PHF21A: variants seen among roughly 807,000 people sequenced by gnomAD.
The protein encoded by PHF21A is BHC80a.
PHF21A carries 11 observed loss-of-function variants against 82.5 expected under a neutral mutation model. The ratio of observed to expected loss-of-function variants is 0.13; its 90% confidence interval spans 0.08 to 0.22. PHF21A has a LOEUF of 0.22. PHF21A is among the 10% of genes least tolerant of loss of function. The probability of loss-of-function intolerance (pLI) is 1.00; values close to 1 mark genes in which losing one functional copy is unlikely to be tolerated. For synonymous variants in PHF21A, 297 were observed against 302.8 expected (o/e 0.98, Z 0.20); for missense variants, 579 against 837.8 (o/e 0.69, Z 3.81).
intron 6 of PHF21A, among the ~76,000 whole-genome samples, chr11:45,993,826 A>C (rs2094804652): frequency 6.6e-6 from 1 of 151,912 alleles, no homozygotes; most frequent in Non-Finnish European, 1.5e-5. Flanking sequence ...CGGGACGGTC[A>C]GAGATGAGGC....
intron 6 of PHF21A, among the ~76,000 whole-genome samples, chr11:46,044,354 G>C (rs1172477764): frequency 1.3e-5 from 2 of 151,912 alleles, no homozygotes; most frequent in Non-Finnish European, 2.9e-5. Flanking sequence ...GAAATTTGAG[G>C]GTCAGCTGAC....
At chr11:45,947,583 A>G (rs1189525883) in intron 14 of PHF21A, among the ~76,000 whole-genome samples, 1 of 152,212 alleles carries the variant, frequency 6.6e-6, no homozygotes, top group East Asian at 1.9e-4. Context: ...TACCCACAAA[A>G]GGCATATCCT....
intron 14 of PHF21A, among the ~76,000 whole-genome samples, chr11:45,947,665 C>T (rs2091494127): frequency 6.6e-6 from 1 of 152,118 alleles, no homozygotes; most frequent in Non-Finnish European, 1.5e-5. Context: ...GCTCATTTAA[C>T]CCCTGTCCTC....
At chr11:45,953,303 C>A (rs992497980) in intron 11 of PHF21A, among the ~76,000 whole-genome samples, 2 of 152,188 alleles carry the variant, frequency 1.3e-5, no homozygotes, top group Non-Finnish European at 2.9e-5. Context: ...TCCTTTGATA[C>A]AATCAAAATG....
chr11:46,010,970 T>C (rs2095401707), intron 6 of PHF21A, among the ~76,000 whole-genome samples: 1 of 152,246 alleles, frequency 6.6e-6, no homozygotes, highest in Non-Finnish European at 1.5e-5. Context: ...AAACTTTCTC[T>C]TTCTCTCTCT....
chr11:45,989,399 A>G (rs1004937253), intron 6 of PHF21A, among the ~76,000 whole-genome samples: 2 of 151,556 alleles, frequency 1.3e-5, no homozygotes, highest in Non-Finnish European at 2.9e-5. Context: ...TCATGCCTAT[A>G]ATCCCAGCAC....
chr11:45,972,161 A>C (rs1165767381), intron 7 of PHF21A, among the ~76,000 whole-genome samples: 2 of 151,966 alleles, frequency 1.3e-5, no homozygotes, highest in Non-Finnish European at 1.5e-5. Flanking sequence ...CAAACATCTG[A>C]GTTTTAAAAG....
intron 7 of PHF21A, among the ~76,000 whole-genome samples, chr11:45,973,969 G>A (rs543523856): frequency 2.0e-5 from 3 of 152,234 alleles, no homozygotes; most frequent in African/African-American, 4.8e-5. Context: ...ACAAAATACT[G>A]ACTAAAGCCT....
At chr11:45,950,822 G>A (rs1371609155) in intron 11 of PHF21A, among the ~76,000 whole-genome samples, 2 of 152,166 alleles carry the variant, frequency 1.3e-5, no homozygotes, top group Non-Finnish European at 2.9e-5. Context: ...CATTTAACAA[G>A]CTCCAAATCC....
At chr11:45,968,388 A>G (rs2959090) in intron 9 of PHF21A, among the ~76,000 whole-genome samples, 75,550 of 151,884 alleles carry the variant, frequency 0.5, 22,198 homozygotes, top group Non-Finnish European at 0.66. Context: ...TCCAACCTCA[A>G]CTCTAACTAA....
At chr11:45,944,527 G>C (rs79550883) in intron 15 of PHF21A, among the ~76,000 whole-genome samples, 1 of 152,090 alleles carries the variant, frequency 6.6e-6, no homozygotes, top group Non-Finnish European at 1.5e-5. Flanking sequence ...AAAGCCCTGC[G>C]CAACTGGCCC....
At chr11:45,986,068 C>T (rs2094478675) in intron 6 of PHF21A, among the ~76,000 whole-genome samples, 1 of 146,046 alleles carries the variant, frequency 6.8e-6, no homozygotes, top group African/African-American at 2.5e-5. Context: ...TTCTTTGGGG[C>T]TTATTCTTCC....
chr11:45,978,015 T>C (rs2094119377), intron 7 of PHF21A, among the ~76,000 whole-genome samples: 1 of 151,980 alleles, frequency 6.6e-6, no homozygotes, highest in Admixed American at 6.6e-5. Context: ...AAAACAGAGA[T>C]GGTGGGCCGG....
rs1013857898 is a variant in PHF21A at position 46,121,316 on chromosome 11, C to G, written c.-618G>C. 6.6e-6 allele frequency: 1 copy of G among 152,302 alleles called. No homozygotes were observed. Among genetic ancestry groups the G allele is most frequent in the Non-Finnish European group, 1.5e-5 (1 of 68,552 alleles). The allele number at this position is 152,302 out of a possible 1,614,324, so 9.4% of individuals were successfully genotyped here. ...GGAGGGACACACACAGGCCCCGGGC[C>G]GGAATCGGGAGGGGGGAATCAGAGC... On this transcript the variant is annotated 5_prime_UTR_variant, in exon 1 of 19. Transcript: ENST00000676320.
chr11:45,953,547 T>C lies in PHF21A; in HGVS notation c.1075A>G (p.Lys359Glu). 6.2e-7 allele frequency: 1 copy of C among 1,613,218 alleles called. No individual in the cohort carries two copies. Among genetic ancestry groups the C allele is most frequent in the Non-Finnish European group, 8.5e-7 (1 of 1,179,190 alleles). The change falls in exon 11 of 19, where the codon AAA becomes GAA. Residue 359 changes from lysine (K) to glutamate (E), a missense_variant. Lys to Glu is a moderately conservative substitution (Grantham distance 56). This residue lies in a region of PHF21A where 410 missense variants were observed against 642.1 expected (regional missense o/e 0.64). Transcript: ENST00000676320. ...CCTACCTGAGGGTTCTCCTCCCGTT[T>C]TGGTTTGGGTGCAGCAGGTGGGGTG... Reference protein sequence around the residue: ...TITPPAAPKPKREENPQKLAF... With the variant: ...TITPPAAPKPEREENPQKLAF...
intron 15 of PHF21A, among the ~76,000 whole-genome samples, chr11:45,940,239 A>G (rs913489514): frequency 4.6e-5 from 7 of 150,966 alleles, no homozygotes; most frequent in African/African-American, 1.5e-4. Context: ...TCTGTTGCCC[A>G]GGCTGGAGGG....
chr11:45,987,311 C>T (rs571901588), intron 6 of PHF21A, among the ~76,000 whole-genome samples: 6 of 143,130 alleles, frequency 4.2e-5, no homozygotes, highest in Admixed American at 7.1e-5. Context: ...ACCCTAGACG[C>T]AGTAAATACC....
intron 1 of PHF21A, among the ~76,000 whole-genome samples, chr11:46,098,579 C>T (rs2097039062): frequency 6.6e-6 from 1 of 152,150 alleles, no homozygotes; most frequent in African/African-American, 2.4e-5. Flanking sequence ...ATAGCTCTCA[C>T]GAAGCTGTTT....
At chr11:46,118,719 G>A (rs1231569238) in intron 1 of PHF21A, 1 of 152,054 alleles carries the variant, frequency 6.6e-6, no homozygotes, top group Non-Finnish European at 1.5e-5. Flanking sequence ...AAAGACAGAA[G>A]AAGAGAATAA....
Sources: allele counts gnomAD v4.1 joint callset (sites outside exome capture counted in the v4.1 genomes callset), GRCh38; gene constraint gnomAD v4.1.1; regional missense constraint gnomAD v4.1.1; transcripts MANE v1.5; gene names NCBI Gene and HGNC (gene_info 2026-07-23, HGNC 2026-07-21).